Variants in SLTM observed in about 807,000 individuals in gnomAD.
SLTM encodes the protein SAFB like transcription modulator.
In SLTM, 43 loss-of-function variants were observed where a neutral mutation model predicts 134.6. The observed-to-expected ratio is 0.32, with a 90% CI of 0.25 to 0.41. The LOEUF is 0.41. Among genes scored for constraint, SLTM ranks in the 10% least tolerant of loss-of-function variants. The pLI, the probability that SLTM is intolerant of heterozygous loss-of-function variation, is 1.00. For synonymous variants in SLTM, 424 were observed against 432.3 expected, an observed-to-expected ratio of 0.98 and a Z score of 0.24; for missense variants, 1,055 against 1,288.8, an observed-to-expected ratio of 0.82 and a Z score of 2.78.
chr15:58,894,658 C>A, intron 9 of SLTM, 76 bp from the exon 10 acceptor site: 1 of 1,305,344 alleles, frequency 7.7e-7, no homozygotes, highest in Non-Finnish European at 1.1e-6. Context: ...TGAAACTTCA[C>A]AACTGAAACT....
In SLTM at chr15:58,883,616, A is replaced by C; in HGVS notation, c.2996+10T>G. On this transcript the variant is annotated intron_variant, in intron 20 of 20. Transcript: ENST00000380516. ...TTGTGTGCTGGCAGAAAAACTGGTT[A>C]GTTATTTACCTTGAATGTTGGGTTA... 1 of 1,613,562 alleles carries C rather than the reference A, an allele frequency of 6.2e-7. No individual in the cohort carries two copies.
intron 5 of SLTM, among the ~76,000 whole-genome samples, chr15:58,910,218 A>G (rs765919663): frequency 6.6e-6 from 1 of 152,238 alleles, no homozygotes; most frequent in Non-Finnish European, 1.5e-5. Flanking sequence ...ACAGAGGCAT[A>G]GGGGAAAATA....
At chr15:58,890,828 G>T (rs2034590513) in intron 14 of SLTM, among the ~76,000 whole-genome samples, 1 of 152,100 alleles carries the variant, frequency 6.6e-6, no homozygotes, top group African/African-American at 2.4e-5. Flanking sequence ...GTTTTTGATG[G>T]AAAAAGCTCT....
intron 19 of SLTM, among the ~76,000 whole-genome samples, chr15:58,886,768 C>T (rs2034243017): frequency 6.6e-6 from 1 of 152,138 alleles, no homozygotes; most frequent in African/African-American, 2.4e-5. Context: ...AGTACCTTAA[C>T]TCTTTGGACT....
chr15:58,900,072 ACAC>A, intron 6 of SLTM, 135 bp from the exon 7 acceptor site: 1 of 657,378 alleles, frequency 1.5e-6, no homozygotes. Flanking sequence ...AAAAAAAAAA[ACAC>A]AAGGGTATTA....
At chr15:58,930,734 GAT>G (rs1417792201) in intron 2 of SLTM, among the ~76,000 whole-genome samples, 1 of 147,074 alleles carries the variant, frequency 6.8e-6, no homozygotes. Context: ...TATCATATAT[GAT>G]ATATATACAC....
intron 2 of SLTM, among the ~76,000 whole-genome samples, chr15:58,924,792 C>T (rs565171207): frequency 2.0e-4 from 31 of 152,230 alleles, no homozygotes; most frequent in Middle Eastern, 3.4e-3. Flanking sequence ...TTCAGAAATA[C>T]CTCCCAAACA....
rs144275409 is a variant in SLTM at position 58,914,486 on chromosome 15, G to A, written c.316-790C>T. ...AGGAAATGGAAATTTCTATCGAGAG[G>A]TGGGCATAGAGAATATGACTGTTTT... On this transcript the variant is annotated intron_variant, in intron 3 of 20. Coordinates refer to ENST00000380516, the MANE Select transcript of SLTM (RefSeq NM_024755.4). 1.3e-3 allele frequency among the ~76,000 whole-genome samples: 194 copies of A among 152,306 alleles called. 1 individual carries two copies. Among genetic ancestry groups the A allele is most frequent in the African/African-American group, 4.5e-3 (187 of 41,568 alleles).
intron 20 of SLTM, among the ~76,000 whole-genome samples, chr15:58,882,606 GA>G (rs1211949365): frequency 1.3e-5 from 2 of 152,212 alleles, no homozygotes; most frequent in Non-Finnish European, 2.9e-5. Flanking sequence ...TTTATCAAGA[GA>G]AAAGTCATCG....
intron 12 of SLTM, among the ~76,000 whole-genome samples, 181 bp downstream of exon 12, chr15:58,893,640 C>T (rs1180261357): frequency 1.3e-5 from 2 of 152,148 alleles, no homozygotes; most frequent in East Asian, 3.8e-4. Flanking sequence ...TGGAAGAATA[C>T]ATTTGTTTGT....
intron 2 of SLTM, among the ~76,000 whole-genome samples, chr15:58,928,854 C>A (rs1264507971): frequency 6.6e-6 from 1 of 152,166 alleles, no homozygotes; most frequent in Non-Finnish European, 1.5e-5. Context: ...CCCTTCTTGG[C>A]ACTTTTCGTT....
In SLTM at chr15:58,893,841, C is replaced by A. The variant is rs1567115752; in HGVS notation, c.1628G>T (p.Ser543Ile). ...SGQTSESIKK[S>I]EEKKRISSKS... is the part of the protein sequence containing the mutation. ...CATACTTATTCGCTTCTTTTCTTCACTTTTTTTAATCGATTCTGATGTTTG... is the reference window on the plus strand; with the variant it reads ...CATACTTATTCGCTTCTTTTCTTCAATTTTTTTAATCGATTCTGATGTTTG... Residue 543 changes from serine (S) to isoleucine (I), a missense_variant, in exon 12 of 21, where the codon AGT becomes ATT. This residue lies in a region of SLTM where 776 missense variants were observed against 962.2 expected (regional missense o/e 0.81). Transcript: ENST00000380516. The A allele has an allele frequency of 3.7e-6, 6 of 1,609,576 alleles. No homozygotes were observed. The highest frequency in any genetic ancestry group is 5.1e-6 in the Non-Finnish European group (6 of 1,179,026).
Position 58,933,596 on chromosome 15 carries a change from G to T in SLTM, c.-31C>A, listed in dbSNP as rs747692159. 1.3e-6 allele frequency: 2 copies of T among 1,548,554 alleles called. No individual in the cohort carries two copies. Among genetic ancestry groups the T allele is most frequent in the Non-Finnish European group, 1.7e-6 (2 of 1,149,580 alleles). On this transcript the variant is annotated 5_prime_UTR_variant, in exon 1 of 21. Transcript: ENST00000380516. ...AAGAGCAGCGCGCTGCCGAGGCAGC[G>T]AGTGGGCTGCAGGGCGGCGGCAGCA...
At position 58,888,434 on chromosome 15, in the gene SLTM, T is replaced by C. The variant is rs1360422717; in HGVS notation, c.2326A>G (p.Arg776Gly). 1.7e-5 allele frequency: 28 copies of C among 1,612,972 alleles called. No homozygotes were observed. The highest frequency in any genetic ancestry group is 2.4e-5 in the Non-Finnish European group (28 of 1,179,752). Residue 776 changes from arginine to glycine, a missense_variant, in exon 17 of 21, where the codon AGG (arginine) becomes GGG (glycine). By Grantham distance (125) the Arg-to-Gly change is moderately radical. Transcript: ENST00000380516. ...NRFNDFDHRE[R>G]GRFPESSAVQ... ...GCTGAACTCTCAGGAAACCTGCCCC[T>C]CTCTCGGTGATCAAAGTCATTAAAT... is the stretch of plus-strand genomic sequence containing the variant.
intron 2 of SLTM, among the ~76,000 whole-genome samples, chr15:58,928,153 T>C (rs1288402125): frequency 1.3e-5 from 2 of 152,212 alleles, no homozygotes; most frequent in Admixed American, 1.3e-4. Flanking sequence ...TTACATATAG[T>C]TCTAAATACT....
rs766975777 is a variant in SLTM, at chr15:58,892,934, G to A, written c.1861C>T (p.Arg621Cys). ...ATTGCTCGTCGCAGCCTTTCAAAAC[G>A]AACTAAATGTTCTCTCAACCTTTGT... Reference protein sequence around the residue: ...KEQRLREHLVRFERLRRAMEL... With the variant: ...KEQRLREHLVCFERLRRAMEL... The change falls in exon 14 of 21, where the codon CGT becomes TGT. Residue 621 changes from arginine (R) to cysteine (C), a missense_variant. Arg to Cys is a radical substitution (Grantham distance 180). Coordinates refer to ENST00000380516, the MANE Select transcript of SLTM (RefSeq NM_024755.4). 2.5e-6 allele frequency: 4 copies of A among 1,613,526 alleles called. No individual in the cohort carries two copies. Among genetic ancestry groups the A allele is most frequent in the South Asian group, 1.1e-5 (1 of 91,020 alleles).
chr15:58,909,403 A>T (rs1424245399), intron 5 of SLTM, among the ~76,000 whole-genome samples: 1 of 152,232 alleles, frequency 6.6e-6, no homozygotes, highest in Non-Finnish European at 1.5e-5. Context: ...GCAGCTCAAT[A>T]TTCTGAAAAT....
chr15:58,913,226 T>G (rs2036406392), intron 4 of SLTM, among the ~76,000 whole-genome samples: 1 of 152,044 alleles, frequency 6.6e-6, no homozygotes, highest in Non-Finnish European at 1.5e-5. Context: ...GTCTAATAAA[T>G]TATGGGGAAA....
chr15:58,930,103 A>C (rs1485114062), intron 2 of SLTM, among the ~76,000 whole-genome samples: 1 of 151,728 alleles, frequency 6.6e-6, no homozygotes, highest in Non-Finnish European at 1.5e-5. Flanking sequence ...GCTACAAACA[A>C]ATGATTGAAT....
Sources: allele counts gnomAD v4.1 joint callset (sites outside exome capture counted in the v4.1 genomes callset), GRCh38; gene constraint gnomAD v4.1.1; regional missense constraint gnomAD v4.1.1; transcripts MANE v1.5; gene names NCBI Gene and HGNC (gene_info 2026-07-23, HGNC 2026-07-21).